Variants in LSM12 observed in about 807,000 individuals in gnomAD.
LSM12 encodes LSM12 homolog.
For missense variants in LSM12, 108 were observed against 238.9 expected, an observed-to-expected ratio of 0.45 and a Z score of 3.61; for synonymous variants, 74 against 87.3, an observed-to-expected ratio of 0.85 and a Z score of 0.85.
intron 2 of LSM12, among the ~76,000 whole-genome samples, chr17:44,051,281 C>T (rs2049639715): frequency 6.6e-6 from 1 of 151,418 alleles, no homozygotes; most frequent in African/African-American, 2.4e-5. Flanking sequence ...CCTGTAGTCC[C>T]AGCTACTGCT....
At chr17:44,052,578 G>A (rs1013085751) in intron 2 of LSM12, among the ~76,000 whole-genome samples, 2 of 151,908 alleles carry the variant, frequency 1.3e-5, no homozygotes, top group Non-Finnish European at 2.9e-5. Context: ...GCCCAACATG[G>A]TGAAACCCCA....
intron 2 of LSM12, among the ~76,000 whole-genome samples, chr17:44,052,441 C>T (rs1292757121): frequency 6.6e-6 from 1 of 152,028 alleles, no homozygotes; most frequent in Non-Finnish European, 1.5e-5. Flanking sequence ...CAGAGCAAGA[C>T]AACAGAGCAA....
At chr17:44,066,864 A>G, upstream of LSM12, 1 of 263,212 alleles carries the variant, frequency 3.8e-6, no homozygotes, top group Non-Finnish European at 7.1e-6. Context: ...TGGAATGAAA[A>G]GGGGAAAGAG....
chr17:44,046,636 G>A (rs1339277413), intron 2 of LSM12, among the ~76,000 whole-genome samples: 2 of 149,720 alleles, frequency 1.3e-5, no homozygotes, highest in Non-Finnish European at 3.0e-5. Context: ...GAACTCAGGA[G>A]GCGGAGCTTG....
chr17:44,066,608 C>G lies in LSM12; in HGVS notation c.-21G>C. The G allele has an allele frequency of 2.3e-6, 3 of 1,301,432 alleles. No individual in the cohort carries two copies. In the South Asian group the frequency reaches 7.1e-5, roughly 31 times the overall value. 80.6% of individuals were successfully genotyped at this position (1,301,432 alleles called of 1,614,324 possible). A position where few individuals can be genotyped will look rare whatever the true frequency, so the allele number is the denominator to read the frequency against. ...GCCATCTTGGGAGTGCAGCCGCGGCCGGCGGCGGCGGCGGCAGCAGCGGGC... is the reference window on the plus strand; with the variant it reads ...GCCATCTTGGGAGTGCAGCCGCGGCGGGCGGCGGCGGCGGCAGCAGCGGGC... On this transcript the variant is annotated 5_prime_UTR_variant, in exon 1 of 5. Coordinates refer to ENST00000293406, the MANE Select transcript of LSM12 (RefSeq NM_001371445.1).
chr17:44,044,082 C>G (rs926743616), intron 2 of LSM12, among the ~76,000 whole-genome samples: 2 of 152,106 alleles, frequency 1.3e-5, no homozygotes, highest in Non-Finnish European at 2.9e-5. Context: ...ACCTACATAG[C>G]AGCTTAAAAA....
chr17:44,065,389 C>T (rs964691354), intron 1 of LSM12, among the ~76,000 whole-genome samples: 1 of 150,000 alleles, frequency 6.7e-6, no homozygotes, highest in Non-Finnish European at 1.5e-5. Context: ...TGCAGTGAGC[C>T]GAGATTGCGC....
intron 2 of LSM12, among the ~76,000 whole-genome samples, chr17:44,043,523 A>C (rs1393882786): frequency 1.3e-5 from 2 of 151,282 alleles, no homozygotes; most frequent in Non-Finnish European, 2.9e-5. Context: ...GCACCAAAAA[A>C]ACCCCGGTAA....
At chr17:44,052,894 T>C (rs1424784734) in intron 2 of LSM12, among the ~76,000 whole-genome samples, 2 of 151,932 alleles carry the variant, frequency 1.3e-5, no homozygotes. Flanking sequence ...AAACTCTGTC[T>C]TAAAAATATA....
At chr17:44,040,406 A>T (rs2049472640) in intron 2 of LSM12, 150 bp from the exon 3 acceptor site, 2 of 597,046 alleles carry the variant, frequency 3.3e-6, no homozygotes, top group African/African-American at 3.7e-5. Flanking sequence ...AAATTTTAAA[A>T]ATCCACGACA....
At chr17:44,037,646 C>T in intron 3 of LSM12, 108 bp from the exon 4 acceptor site, 7 of 1,352,470 alleles carry the variant, frequency 5.2e-6, no homozygotes, top group Non-Finnish European at 6.8e-6. Flanking sequence ...CCCAGCTCAC[C>T]ACTCAGCCAA....
At position 44,040,250 on chromosome 17, in the gene LSM12, T is replaced by C; in HGVS notation, c.265A>G (p.Ser89Gly). ...TCCTCCTTCTCTGTCCGTGCTTTGC[T>C]GGCAAGCTAGGGTGGAAGAGAGGAA... ...LASLNVSKLA[S>G]KARTEKEEKL... Residue 89 changes from serine (S) to glycine (G), a missense_variant, in exon 3 of 5, where the codon AGC becomes GGC. By Grantham distance (56) the Ser-to-Gly change is moderately conservative (BLOSUM62 0). Transcript: ENST00000293406. The C allele has an allele frequency of 6.2e-7, 1 of 1,613,286 alleles. No individual in the cohort carries two copies. Among genetic ancestry groups the C allele is most frequent in the Non-Finnish European group, 8.5e-7 (1 of 1,179,338 alleles).
intron 1 of LSM12, 36 bp from the exon 2 acceptor site, chr17:44,063,970 C>G (rs761322811): frequency 6.2e-7 from 1 of 1,605,670 alleles, no homozygotes; most frequent in East Asian, 2.2e-5. Flanking sequence ...AAAAATAGGA[C>G]AAGCAGAGGC....
chr17:44,039,719 C>A (rs1256139884), intron 3 of LSM12, among the ~76,000 whole-genome samples: 4 of 152,166 alleles, frequency 2.6e-5, no homozygotes, highest in African/African-American at 9.7e-5. Context: ...AGGTGGCCTG[C>A]TCTAACTCCC....
intron 2 of LSM12, among the ~76,000 whole-genome samples, chr17:44,043,369 C>G (rs1451828042): frequency 6.6e-6 from 1 of 152,136 alleles, no homozygotes; most frequent in East Asian, 1.9e-4. Flanking sequence ...CCCTACCAGG[C>G]TATAACTTTA....
At chr17:44,048,018 AACACAC>A (rs57164806) in intron 2 of LSM12, among the ~76,000 whole-genome samples, 8,498 of 137,370 alleles carry the variant, frequency 0.062, 285 homozygotes, top group African/African-American at 0.069. Context: ...GTCCGTATTA[AACACAC>A]ACACACACAC....
At chr17:44,063,744 A>T in intron 2 of LSM12, 57 bp downstream of exon 2, 1 of 1,562,158 alleles carries the variant, frequency 6.4e-7, no homozygotes, top group Non-Finnish European at 8.7e-7. Flanking sequence ...ACTAAGACTC[A>T]ATGAGACTCA....
At chr17:44,041,704 C>T (rs1228888893) in intron 2 of LSM12, among the ~76,000 whole-genome samples, 1 of 152,140 alleles carries the variant, frequency 6.6e-6, no homozygotes, top group Non-Finnish European at 1.5e-5. Flanking sequence ...TAACTTCTAC[C>T]CTGTCAATCC....
chr17:44,057,476 A>G (rs887500309), intron 2 of LSM12, among the ~76,000 whole-genome samples: 4 of 150,418 alleles, frequency 2.7e-5, no homozygotes, highest in Non-Finnish European at 5.9e-5. Flanking sequence ...AATAAATAAT[A>G]ATGTGCCAGG....
Sources: gnomAD v4.1 joint callset for allele counts (sites outside exome capture counted in the v4.1 genomes callset) on GRCh38, gnomAD v4.1.1 for gene constraint, MANE v1.5 for transcripts, NCBI Gene and HGNC (gene_info 2026-07-23, HGNC 2026-07-21) for gene names.